Variants in SETBP1 observed in about 807,000 individuals in gnomAD.
SETBP1 encodes the protein SET-binding protein.
Under a neutral mutation model 101.0 loss-of-function variants are expected in SETBP1, and 9 were observed. That is an observed-to-expected ratio of 0.09 (90% CI 0.05 to 0.16). SETBP1 has a LOEUF of 0.16. Among genes scored for constraint, SETBP1 ranks in the 10% least tolerant of loss-of-function variants. SETBP1 has a pLI of 1.00. For synonymous variants in SETBP1, 818 were observed against 788.5 expected (o/e 1.04, Z -0.63); for missense variants, 1,858 against 2,033.8 (o/e 0.91, Z 1.66).
chr18:44,814,016 G>A (rs529579323), intron 2 of SETBP1, among the ~76,000 whole-genome samples: 9 of 152,102 alleles, frequency 5.9e-5, no homozygotes, highest in Non-Finnish European at 7.4e-5. Context: ...AAATAAAGAC[G>A]AGGGCCCTTG....
intron 2 of SETBP1, among the ~76,000 whole-genome samples, chr18:44,834,176 T>C (rs951915825): frequency 4.0e-5 from 6 of 151,454 alleles, no homozygotes; most frequent in African/African-American, 1.2e-4. Flanking sequence ...TCTCCAAGGA[T>C]GGTTCAGCTA....
intron 3 of SETBP1, among the ~76,000 whole-genome samples, chr18:44,927,943 A>ATG (rs2070741237): frequency 6.6e-6 from 1 of 152,034 alleles, no homozygotes. Flanking sequence ...TTATATATAT[A>ATG]ATTATACTTT....
chr18:44,966,839 C>G (rs923876742), intron 4 of SETBP1, among the ~76,000 whole-genome samples: 5 of 152,170 alleles, frequency 3.3e-5, no homozygotes, highest in African/African-American at 1.2e-4. Flanking sequence ...GCAACTTAGG[C>G]TCTTAGATGT....
chr18:45,019,820 A>T (rs12963102), intron 4 of SETBP1, among the ~76,000 whole-genome samples: 2,767 of 152,250 alleles, frequency 0.018, 28 homozygotes, highest in Non-Finnish European at 0.028. Flanking sequence ...CCTAAAGGAC[A>T]TGCATAAAAA....
At chr18:44,882,801 C>A (rs1446894107) in intron 3 of SETBP1, among the ~76,000 whole-genome samples, 2 of 152,148 alleles carry the variant, frequency 1.3e-5, no homozygotes, top group African/African-American at 4.8e-5. Context: ...CCTTGCAGAT[C>A]ATTTATTCTA....
chr18:44,956,762 G>A lies in SETBP1; in HGVS notation c.4000+3422G>A, dbSNP rs2071492103. Among the ~76,000 whole-genome samples, 3 of 152,148 alleles carry A rather than the reference G, an allele frequency of 2.0e-5. No individual in the cohort carries two copies. The South Asian group carries it at 6.2e-4, about 32-fold the overall frequency. ...TAAGTCATTACCATTATGGAGAGAG[G>A]AATTAGAGACCCTATTTAGCAATAG... On this transcript the variant is annotated intron_variant, in intron 4 of 5. Coordinates refer to ENST00000649279, the MANE Select transcript of SETBP1 (RefSeq NM_015559.3).
rs140032872 is a variant in SETBP1, at chr18:44,887,199, T to G, written c.540+17916T>G. On this transcript the variant is annotated intron_variant, in intron 3 of 5. Coordinates refer to ENST00000649279, the MANE Select transcript of SETBP1 (RefSeq NM_015559.3). ...AGGATTAGAGATGATCAATGTAAAG[T>G]GCATGATACAACGTAGGTGCCCAAT... Among the ~76,000 whole-genome samples the G allele has an allele frequency of 1.6e-3, 248 of 152,248 alleles. 6 individuals carry two copies. The highest frequency in any genetic ancestry group is 0.01 in the Admixed American group (159 of 15,294).
At chr18:44,903,889 T>C (rs917649440) in intron 3 of SETBP1, among the ~76,000 whole-genome samples, 1 of 152,224 alleles carries the variant, frequency 6.6e-6, no homozygotes, top group Non-Finnish European at 1.5e-5. Context: ...TATTGCTCAT[T>C]TGATAGTCTG....
chr18:44,938,580 A>G (rs530190441), intron 3 of SETBP1, among the ~76,000 whole-genome samples: 52 of 152,340 alleles, frequency 3.4e-4, no homozygotes, highest in Admixed American at 9.8e-4. Context: ...TGGATCTCAC[A>G]TGATTTACAG....
rs767353111 is a variant in SETBP1, at chr18:44,950,458, C to T, written c.1118C>T (p.Ser373Phe). ...DNTEGKREGY[S>F]ADSAQEASPA... is the part of the protein sequence containing the mutation. Reference sequence around the variant, plus strand: ...ACAGAAGGGAAAAGGGAAGGTTATTCCGCAGATAGTGCCCAAGAGGCATCA... The same window carrying T: ...ACAGAAGGGAAAAGGGAAGGTTATTTCGCAGATAGTGCCCAAGAGGCATCA... The change falls in exon 4 of 6, where the codon TCC becomes TTC. Residue 373 changes from serine to phenylalanine, a missense_variant. Physicochemically the swap from Ser to Phe is radical, Grantham distance 155. Around this residue, in one of 12 missense-constraint regions of SETBP1, gnomAD observed 581 missense variants for 535.1 expected, o/e 1.09. Coordinates refer to ENST00000649279, the MANE Select transcript of SETBP1 (RefSeq NM_015559.3). The T allele has an allele frequency of 2.5e-6, 4 of 1,614,146 alleles. No homozygotes were observed. The South Asian group carries it at 4.4e-5, about 18-fold the overall frequency.
intron 3 of SETBP1, among the ~76,000 whole-genome samples, chr18:44,905,260 T>C (rs530123143): frequency 6.6e-6 from 1 of 152,280 alleles, no homozygotes; most frequent in African/African-American, 2.4e-5. Flanking sequence ...GGAGAGAAGA[T>C]GACTAGCATT....
intron 2 of SETBP1, among the ~76,000 whole-genome samples, chr18:44,789,861 G>A (rs2071333751): frequency 6.6e-6 from 1 of 152,174 alleles, no homozygotes; most frequent in Non-Finnish European, 1.5e-5. Context: ...ATTTCAGAAA[G>A]TACTTTTCCA....
At chr18:44,989,784 G>A (rs1419468846) in intron 4 of SETBP1, among the ~76,000 whole-genome samples, 1 of 144,390 alleles carries the variant, frequency 6.9e-6, no homozygotes, top group Non-Finnish European at 1.5e-5. Flanking sequence ...CAGGAGAATG[G>A]CGTGAACCCG....
intron 3 of SETBP1, among the ~76,000 whole-genome samples, chr18:44,931,612 G>A (rs895487321): frequency 2.6e-5 from 4 of 152,062 alleles, no homozygotes; most frequent in African/African-American, 4.8e-5. Flanking sequence ...GCTTTATGAA[G>A]CTGGGTGCTC....
chr18:44,813,876 A>G (rs1248201383), intron 2 of SETBP1, among the ~76,000 whole-genome samples: 1 of 152,148 alleles, frequency 6.6e-6, no homozygotes, highest in Non-Finnish European at 1.5e-5. Context: ...TTTTGTTGTT[A>G]ACCCTGGAAC....
intron 2 of SETBP1, among the ~76,000 whole-genome samples, chr18:44,798,944 C>T (rs1262296309): frequency 6.6e-6 from 1 of 152,186 alleles, no homozygotes; most frequent in Non-Finnish European, 1.5e-5. Context: ...CACTTGCCTC[C>T]ACTGATAGGC....
rs1207663907 is a variant in SETBP1, at chr18:45,063,634, A to C, written c.4727A>C (p.Glu1576Ala). 4 of 1,597,752 alleles carry C rather than the reference A, an allele frequency of 2.5e-6. No individual in the cohort carries two copies. Among genetic ancestry groups the C allele is most frequent in the Non-Finnish European group, 8.5e-7 (1 of 1,171,722 alleles). The change falls in exon 6 of 6, where the codon GAA becomes GCA. Residue 1576 changes from glutamate to alanine, a missense_variant. Around this residue, in one of 12 missense-constraint regions of SETBP1, gnomAD observed 178 missense variants for 189.1 expected, o/e 0.94. Coordinates refer to ENST00000649279, the MANE Select transcript of SETBP1 (RefSeq NM_015559.3). ...CCCCCGCAGCAGCCCCTTCCCCAGG[A>C]AGAGGAGGTGAAAGCCAAAAGGCAG... ...QSPPQQPLPQ[E>A]EEVKAKRQRK...
chr18:44,759,515 G>A (rs886483325), intron 2 of SETBP1, among the ~76,000 whole-genome samples: 2 of 152,198 alleles, frequency 1.3e-5, no homozygotes, highest in South Asian at 2.1e-4. Context: ...TGTCAGTTTC[G>A]TTCCTATTTA....
chr18:44,811,328 C>T (rs1168998493), intron 2 of SETBP1, among the ~76,000 whole-genome samples: 1 of 152,268 alleles, frequency 6.6e-6, no homozygotes, highest in East Asian at 1.9e-4. Flanking sequence ...TACACACGTG[C>T]TCACACATAT....
Sources: allele counts gnomAD v4.1 joint callset (sites outside exome capture counted in the v4.1 genomes callset), GRCh38; gene constraint gnomAD v4.1.1; regional missense constraint gnomAD v4.1.1; transcripts MANE v1.5; gene names NCBI Gene and HGNC (gene_info 2026-07-23, HGNC 2026-07-21).